The following CHRND variants were observed in gnomAD, a reference collection of about 807,000 sequenced individuals.
CHRND encodes cholinergic receptor nicotinic delta subunit.
Under a neutral mutation model 57.8 loss-of-function variants are expected in CHRND, and 40 were observed. That is an observed-to-expected ratio of 0.69 (90% CI 0.54 to 0.90). The LOEUF (loss-of-function observed/expected upper bound fraction) is 0.90, where lower values mean the gene tolerates loss of function less well. Among genes scored for constraint, CHRND ranks in the 40% least tolerant of loss-of-function variants. CHRND has a pLI of 0.00. For synonymous variants in CHRND, 237 were observed against 270.6 expected (o/e 0.88, Z 1.22); for missense variants, 634 against 673.9 (o/e 0.94, Z 0.66).
At chr2:232,526,743 G>C in intron 2 of CHRND, 69 bp downstream of exon 2, 5 of 1,554,302 alleles carry the variant, frequency 3.2e-6, no homozygotes, top group Non-Finnish European at 4.4e-6. Flanking sequence ...GGATAGCCAT[G>C]GAGGAAGCTA....
intron 4 of CHRND, 22 bp downstream of exon 4, chr2:232,528,393 C>T: frequency 4.3e-6 from 7 of 1,613,662 alleles, no homozygotes; most frequent in East Asian, 2.2e-5. Flanking sequence ...CCCTCCCTGA[C>T]CTCCCCTCTG....
chr2:232,529,488 G>A lies in CHRND; in HGVS notation c.620-451G>A, dbSNP rs1691605577. On this transcript the variant is annotated intron_variant, in intron 6 of 11. Coordinates refer to ENST00000258385, the MANE Select transcript of CHRND (RefSeq NM_000751.3). ...TCTCAGGCTGGCACATCATGGCAGG[G>A]ATAGTTTTACTGTCACTGGCTCATT... Among the ~76,000 whole-genome samples, 5 of 152,232 alleles carry A rather than the reference G, an allele frequency of 3.3e-5. No individual in the cohort carries two copies. In the South Asian group the frequency reaches 1.0e-3, roughly 32 times the overall value.
intron 6 of CHRND, 107 bp downstream of exon 6, chr2:232,529,078 G>T (rs1691589670): frequency 2.6e-6 from 2 of 778,192 alleles, no homozygotes; most frequent in Non-Finnish European, 2.2e-6. Flanking sequence ...ACACACTTAG[G>T]ACACCAATAC....
At position 232,528,319 on chromosome 2, in the gene CHRND, C is replaced by T. The variant is rs769928515; in HGVS notation, c.301C>T (p.Leu101=). The change falls in exon 4 of 12, where the codon CTG becomes TTG. Residue 101 remains leucine (L), a synonymous_variant. Transcript: ENST00000258385. Reference sequence around the variant, plus strand: ...TGAAGAATTTGGAAACATCAGTGTCCTGCGCCTCCCCCCGGACATGGTGTG... The same window carrying T: ...TGAAGAATTTGGAAACATCAGTGTCTTGCGCCTCCCCCCGGACATGGTGTG... ...NAEEFGNISV[L]RLPPDMVWLP... is the part of the protein sequence containing the mutation. The T allele has an allele frequency of 1.2e-6, 2 of 1,614,134 alleles. No homozygotes were observed. Among genetic ancestry groups the T allele is most frequent in the Non-Finnish European group, 1.7e-6 (2 of 1,180,032 alleles).
rs750759192 is a variant in CHRND at position 232,535,184 on chromosome 2, G to C, written c.1426G>C (p.Val476Leu). The change falls in exon 12 of 12, where the codon GTG becomes CTG. Residue 476 changes from valine (V) to leucine (L), a missense_variant. Val to Leu is a conservative substitution (Grantham distance 32). Transcript: ENST00000258385. ...ARTVDRLCLF[V>L]VTPVMVVGTA... is the part of the protein sequence containing the mutation. ...CACAGTGGACCGCCTCTGCCTGTTT[G>C]TGGTGACGCCTGTCATGGTGGTGGG... 6.2e-7 allele frequency: 1 copy of C among 1,614,202 alleles called. No individual in the cohort carries two copies. Among genetic ancestry groups the C allele is most frequent in the Non-Finnish European group, 8.5e-7 (1 of 1,180,028 alleles).
chr2:232,533,775 G>T (rs1691788610), intron 9 of CHRND, among the ~76,000 whole-genome samples, 156 bp from the exon 10 acceptor site: 1 of 132,948 alleles, frequency 7.5e-6, no homozygotes, highest in Admixed American at 8.7e-5. Context: ...CTACTTGGGA[G>T]ACTGAGGCAA....
Position 232,535,265 on chromosome 2 carries a change from C to A in CHRND, c.1507C>A (p.Pro503Thr). ...CAACCAGCCACCACCCCAGCCTTTT[C>A]CTGGGGACCCCTACTCCTACAACGT... ...VYNQPPPQPFPGDPYSYNVQD... is the reference protein window; with the variant it reads ...VYNQPPPQPFTGDPYSYNVQD... The change falls in exon 12 of 12, where the codon CCT becomes ACT. Residue 503 changes from proline to threonine, a missense_variant. Coordinates refer to ENST00000258385, the MANE Select transcript of CHRND (RefSeq NM_000751.3). 5.0e-6 allele frequency: 8 copies of A among 1,614,132 alleles called. No homozygotes were observed. Among genetic ancestry groups the A allele is most frequent in the African/African-American group, 1.3e-5 (1 of 75,058 alleles).
At position 232,531,648 on chromosome 2, in the gene CHRND, G is replaced by T. The variant is rs751830587; in HGVS notation, c.1039G>T (p.Val347Phe). ...TPSTHVLSEGVKKLFLETLPE... is the reference protein window; with the variant it reads ...TPSTHVLSEGFKKLFLETLPE... ...CAGCACCCATGTGCTGTCTGAGGGGGTCAAGAAGGTGAGTACTTGGCCCGG... is the reference window on the plus strand; with the variant it reads ...CAGCACCCATGTGCTGTCTGAGGGGTTCAAGAAGGTGAGTACTTGGCCCGG... Residue 347 changes from valine (V) to phenylalanine (F), a missense_variant, in exon 9 of 12, where the codon GTC becomes TTC. Transcript: ENST00000258385. 1.9e-6 allele frequency: 3 copies of T among 1,612,798 alleles called. No homozygotes were observed. Among genetic ancestry groups the T allele is most frequent in the African/African-American group, 2.7e-5 (2 of 74,896 alleles).
At chr2:232,530,217 A>T in intron 7 of CHRND, 78 bp downstream of exon 7, 1 of 1,483,478 alleles carries the variant, frequency 6.7e-7, no homozygotes, top group Non-Finnish European at 9.3e-7. Context: ...CTGCCCCCTC[A>T]CTTCCTCCTG....
Position 232,526,620 on chromosome 2 carries a change from AGAG to A in CHRND, c.148_150del (p.Glu50del). 1 of 1,613,734 alleles carries A rather than the reference AGAG, an allele frequency of 6.2e-7. No individual in the cohort carries two copies. Among genetic ancestry groups the A allele is most frequent in the Non-Finnish European group, 8.5e-7 (1 of 1,179,968 alleles). On this transcript the variant is annotated inframe_deletion, in exon 2 of 12. Coordinates refer to ENST00000258385, the MANE Select transcript of CHRND (RefSeq NM_000751.3). ...AGGAGCTCCGGCCCGTGGCACACAA[AGAG>A]GAGAGTGTGGACGTTGCCCTGGCCC...
intron 2 of CHRND, among the ~76,000 whole-genome samples, chr2:232,527,174 CTA>C (rs1293986266): frequency 6.6e-6 from 1 of 152,066 alleles, no homozygotes; most frequent in East Asian, 1.9e-4. Flanking sequence ...TGGTGTGGGC[CTA>C]TAATCCCAGC....
In CHRND at chr2:232,528,948, T is replaced by C; in HGVS notation, c.596T>C (p.Ile199Thr). ...CGCACCTACCCCGTGGAGTGGATCA[T>C]CATTGATCCTGAAGGCTTCACAGGT... ...ENRTYPVEWI[I>T]IDPEGFTENG... Residue 199 changes from isoleucine to threonine, a missense_variant, in exon 6 of 12, where the codon ATC (isoleucine) becomes ACC (threonine). By Grantham distance (89) the Ile-to-Thr change is moderately conservative (BLOSUM62 -1). Transcript: ENST00000258385. 2.5e-6 allele frequency: 4 copies of C among 1,613,882 alleles called. No individual in the cohort carries two copies. The highest frequency in any genetic ancestry group is 3.4e-6 in the Non-Finnish European group (4 of 1,179,834).
intron 7 of CHRND, among the ~76,000 whole-genome samples, chr2:232,530,598 G>A (rs895580399): frequency 4.9e-4 from 75 of 152,312 alleles, no homozygotes; most frequent in Middle Eastern, 6.8e-3. Flanking sequence ...TATTTACTAT[G>A]AGCAGGGCAT....
chr2:232,534,067 C>T lies in CHRND; in HGVS notation c.1184C>T (p.Ser395Phe), dbSNP rs369358776. Residue 395 changes from serine (S) to phenylalanine (F), a missense_variant, in exon 10 of 12, where the codon TCC becomes TTC. Transcript: ENST00000258385. ...GCCGAGGAGTACTTCCTGCTCAAGTCCCGCAGTGACCTCATGTTCGAGAAG... is the reference window on the plus strand; with the variant it reads ...GCCGAGGAGTACTTCCTGCTCAAGTTCCGCAGTGACCTCATGTTCGAGAAG... ...SKAEEYFLLK[S>F]RSDLMFEKQS... is the part of the protein sequence containing the mutation. 6.8e-6 allele frequency: 11 copies of T among 1,613,996 alleles called. No individual in the cohort carries two copies. The highest frequency in any genetic ancestry group is 1.3e-5 in the African/African-American group (1 of 74,946).
At chr2:232,533,070 G>A (rs971017071) in intron 9 of CHRND, among the ~76,000 whole-genome samples, 1 of 152,104 alleles carries the variant, frequency 6.6e-6, no homozygotes, top group Admixed American at 6.6e-5. Flanking sequence ...GCCCAGGCTG[G>A]AGTGCAGTGG....
At position 232,527,477 on chromosome 2, in the gene CHRND, G is replaced by C. The variant is rs551793500; in HGVS notation, c.243+32G>C. ...ATGCCCCTCCCAGCCGGGCGCAGTG[G>C]CTCATGCCTGTAATCCCAGCACTTT... On this transcript the variant is annotated intron_variant, in intron 3 of 11. Coordinates refer to ENST00000258385, the MANE Select transcript of CHRND (RefSeq NM_000751.3). 2.2e-5 allele frequency: 34 copies of C among 1,572,688 alleles called. No individual in the cohort carries two copies. The Middle Eastern group carries it at 7.3e-4, about 34-fold the overall frequency.
chr2:232,534,365 T>A (rs1691815922), intron 11 of CHRND, 23 bp downstream of exon 11: 1 of 1,606,880 alleles, frequency 6.2e-7, no homozygotes, highest in Admixed American at 1.7e-5. Flanking sequence ...AGGATTGCCA[T>A]GTACAGGTGT....
At chr2:232,528,200 G>C (rs189441929) in intron 3 of CHRND, 62 bp from the exon 4 acceptor site, 25 of 1,481,448 alleles carry the variant, frequency 1.7e-5, no homozygotes, top group South Asian at 4.6e-5. Flanking sequence ...TCAGGGAAGT[G>C]GGGGGAGCCA....
rs746078740 is a variant in CHRND at position 232,528,311 on chromosome 2, T to A, written c.293T>A (p.Ile98Asn). ...LKWNAEEFGNISVLRLPPDMV... is the reference protein window; with the variant it reads ...LKWNAEEFGNNSVLRLPPDMV... ...TGGAATGCTGAAGAATTTGGAAACATCAGTGTCCTGCGCCTCCCCCCGGAC... is the reference window on the plus strand; with the variant it reads ...TGGAATGCTGAAGAATTTGGAAACAACAGTGTCCTGCGCCTCCCCCCGGAC... Residue 98 changes from isoleucine to asparagine, a missense_variant, in exon 4 of 12, where the codon ATC becomes AAC. Coordinates refer to ENST00000258385, the MANE Select transcript of CHRND (RefSeq NM_000751.3). 2.5e-6 allele frequency: 4 copies of A among 1,614,008 alleles called. No individual in the cohort carries two copies. The highest frequency in any genetic ancestry group is 3.4e-6 in the Non-Finnish European group (4 of 1,180,032).
Sources: gnomAD v4.1 joint callset for allele counts (sites outside exome capture counted in the v4.1 genomes callset) on GRCh38, gnomAD v4.1.1 for gene constraint, MANE v1.5 for transcripts, NCBI Gene and HGNC (gene_info 2026-07-23, HGNC 2026-07-21) for gene names.